Variants in VPS53 observed in about 807,000 individuals in gnomAD.
The protein encoded by VPS53 is VPS53 subunit of GARP complex.
Under a neutral mutation model 107.0 loss-of-function variants are expected in VPS53, and 70 were observed. That is an observed-to-expected ratio of 0.65 (90% CI 0.54 to 0.80). The LOEUF (loss-of-function observed/expected upper bound fraction) is 0.80. Among genes scored for constraint, VPS53 ranks in the 30% least tolerant of loss-of-function variants. The pLI is 0.00. For missense variants in VPS53, 917 were observed against 1,049.4 expected (o/e 0.87, Z 1.74); for synonymous variants, 409 against 393.3 (o/e 1.04, Z -0.47).
chr17:700,284 T>C (rs1193486857), intron 2 of VPS53, among the ~76,000 whole-genome samples: 3 of 152,170 alleles, frequency 2.0e-5, no homozygotes, highest in Non-Finnish European at 4.4e-5. Context: ...GGCTCACGCC[T>C]GTAATCCCAG....
At chr17:548,883 G>A (rs1020722363) in intron 17 of VPS53, among the ~76,000 whole-genome samples, 23 of 152,116 alleles carry the variant, frequency 1.5e-4, no homozygotes, top group Non-Finnish European at 2.1e-4. Flanking sequence ...TCAGAATTTC[G>A]CCCTCATCTG....
intron 5 of VPS53, among the ~76,000 whole-genome samples, chr17:659,104 T>A (rs1486625158): frequency 4.7e-5 from 7 of 147,490 alleles, no homozygotes; most frequent in South Asian, 2.1e-4. Flanking sequence ...GCAAAAAAAA[T>A]AAAAATAAAT....
At chr17:592,334 C>T (rs544062890) in intron 12 of VPS53, among the ~76,000 whole-genome samples, 90 of 152,290 alleles carry the variant, frequency 5.9e-4, no homozygotes, top group African/African-American at 2.1e-3. Flanking sequence ...TGGGTCTTGA[C>T]TCTTTATCCA....
At chr17:604,938 G>C (rs1273285208) in intron 11 of VPS53, among the ~76,000 whole-genome samples, 1 of 152,186 alleles carries the variant, frequency 6.6e-6, no homozygotes, top group Admixed American at 6.5e-5. Context: ...CCCTCATGGA[G>C]ATTAGAGTCT....
At chr17:663,488 T>A (rs772996741) in intron 4 of VPS53, among the ~76,000 whole-genome samples, 1 of 149,386 alleles carries the variant, frequency 6.7e-6, no homozygotes, top group African/African-American at 2.5e-5. Context: ...ATCGACCACA[T>A]GCACTGGACC....
chr17:620,257 T>C (rs1969412386), intron 11 of VPS53, among the ~76,000 whole-genome samples: 1 of 152,230 alleles, frequency 6.6e-6, no homozygotes, highest in Non-Finnish European at 1.5e-5. Context: ...CTGCAGTCCA[T>C]TGCCTGAAAG....
rs1377624471 is a variant in VPS53, at chr17:629,814, CA to C, written c.688-1584del. Among the ~76,000 whole-genome samples, 6 of 14,256 alleles carry C rather than the reference CA, an allele frequency of 4.2e-4. No individual in the cohort carries two copies. The Admixed American group carries it at 5.1e-3, about 12-fold the overall frequency. 9.4% of individuals were successfully genotyped at this position (14,256 alleles called of 152,430 possible). A position where few individuals can be genotyped will look rare whatever the true frequency, so the allele number is the denominator to read the frequency against. ...AAAACAAAACAAAAAAAAAACCACA[CA>C]CACACACACACACACACACACACAC... On this transcript the variant is annotated intron_variant, in intron 8 of 21. Coordinates refer to ENST00000437048, the MANE Select transcript of VPS53 (RefSeq NM_001128159.3).
intron 2 of VPS53, among the ~76,000 whole-genome samples, chr17:704,445 A>G (rs149305165): frequency 2.1e-4 from 32 of 152,224 alleles, no homozygotes; most frequent in African/African-American, 7.7e-4. Context: ...ATCTAAACTC[A>G]TAATGTACAA....
intron 15 of VPS53, among the ~76,000 whole-genome samples, chr17:556,037 G>A (rs931307200): frequency 6.6e-6 from 1 of 152,098 alleles, no homozygotes; most frequent in Non-Finnish European, 1.5e-5. Flanking sequence ...CAACTCTTTG[G>A]GGGCTGAGGC....
chr17:570,192 C>T (rs1018667971), intron 13 of VPS53, among the ~76,000 whole-genome samples: 3 of 151,578 alleles, frequency 2.0e-5, no homozygotes, highest in African/African-American at 7.3e-5. Context: ...CATGGCAAAA[C>T]CCTGTCTCTA....
chr17:654,876 G>A (rs1971122588), intron 6 of VPS53, among the ~76,000 whole-genome samples: 1 of 152,108 alleles, frequency 6.6e-6, no homozygotes. Flanking sequence ...TGATGGTTTG[G>A]TGGACACCGA....
intron 7 of VPS53, 128 bp from the exon 8 acceptor site, chr17:631,756 G>A: frequency 1.4e-6 from 1 of 725,942 alleles, no homozygotes; most frequent in Middle Eastern, 2.6e-4. Context: ...CGTCCATGAG[G>A]TGAGAGGTCA....
intron 17 of VPS53, chr17:539,146 T>C (rs1910373667): frequency 1.3e-5 from 2 of 152,238 alleles, no homozygotes; most frequent in Admixed American, 6.5e-5. Flanking sequence ...GGCAGCTTTG[T>C]ATATTTCAAA....
intron 17 of VPS53, among the ~76,000 whole-genome samples, chr17:548,128 T>C (rs1911392290): frequency 6.6e-6 from 1 of 152,206 alleles, no homozygotes. Flanking sequence ...TGGCTGCGAC[T>C]GGAGAACAGG....
At chr17:566,173 C>T (rs1481240441) in intron 13 of VPS53, among the ~76,000 whole-genome samples, 1 of 142,968 alleles carries the variant, frequency 7.0e-6, no homozygotes, top group Non-Finnish European at 1.5e-5. Context: ...CACTGCACTC[C>T]AGCCTGGGCG....
chr17:656,085 A>G, intron 5 of VPS53, 132 bp from the exon 6 acceptor site: 1 of 623,042 alleles, frequency 1.6e-6, no homozygotes, highest in Non-Finnish European at 2.7e-6. Context: ...ACATTCTCAC[A>G]ATACAAAATA....
intron 12 of VPS53, among the ~76,000 whole-genome samples, chr17:589,192 A>C (rs1319751008): frequency 6.6e-6 from 1 of 152,060 alleles, no homozygotes; most frequent in East Asian, 1.9e-4. Flanking sequence ...ACATTTAAAA[A>C]AATCAACGTG....
In VPS53 at chr17:528,079, A is replaced by T. The variant is rs1909255646; in HGVS notation, c.2085+4763T>A. On this transcript the variant is annotated intron_variant, in intron 19 of 21. Coordinates refer to ENST00000437048, the MANE Select transcript of VPS53 (RefSeq NM_001128159.3). The stretch of plus-strand genomic sequence containing the variant: ...TTTTTAGAGCCATAATCCATCTGGG[A>T]TTAATTTTCTAAAAATGGAGATATA... 2.0e-5 allele frequency among the ~76,000 whole-genome samples: 3 copies of T among 152,292 alleles called. No individual in the cohort carries two copies. The South Asian group carries it at 6.2e-4, about 32-fold the overall frequency.
At chr17:598,253 T>C (rs1246454941) in intron 12 of VPS53, among the ~76,000 whole-genome samples, 1 of 152,176 alleles carries the variant, frequency 6.6e-6, no homozygotes, top group Non-Finnish European at 1.5e-5. Flanking sequence ...GGAGTCTCGT[T>C]CACTCAGTGC....
Sources: allele counts gnomAD v4.1 joint callset (sites outside exome capture counted in the v4.1 genomes callset), GRCh38; gene constraint gnomAD v4.1.1; transcripts MANE v1.5; gene names NCBI Gene and HGNC (gene_info 2026-07-23, HGNC 2026-07-21).